Variants in FAM47E observed in about 807,000 individuals in gnomAD.
FAM47E encodes protein FAM47E.
Under a neutral mutation model 41.6 loss-of-function variants are expected in FAM47E, and 32 were observed. The observed-to-expected ratio is 0.77, with a 90% CI of 0.58 to 1.03. The LOEUF (loss-of-function observed/expected upper bound fraction) is 1.03. FAM47E is among the 50% of genes least tolerant of loss of function. The probability of loss-of-function intolerance (pLI) is 0.00; values close to 1 mark genes in which losing one functional copy is unlikely to be tolerated. For synonymous variants in FAM47E, 184 were observed against 188.7 expected (o/e 0.98, Z 0.20); for missense variants, 424 against 485.4 (o/e 0.87, Z 1.19).
At chr4:76,236,387 A>G (rs1008681748) in intron 2 of FAM47E, 1 of 152,214 alleles carries the variant, frequency 6.6e-6, no homozygotes, top group Non-Finnish European at 1.5e-5. Context: ...TGAAAAACAC[A>G]GGATAGAAAC....
At chr4:76,236,729 A>C (rs1449148300) in intron 2 of FAM47E, 2 of 152,078 alleles carry the variant, frequency 1.3e-5, no homozygotes, top group African/African-American at 4.8e-5. Context: ...GGTGGGTTTA[A>C]AAATTTTCTG....
intron 5 of FAM47E, 21 bp downstream of exon 5, chr4:76,271,789 G>C (rs1734902711): frequency 6.5e-7 from 1 of 1,541,452 alleles, no homozygotes; most frequent in African/African-American, 1.4e-5. Flanking sequence ...AAGGGGACCA[G>C]ACCGAAAATC....
At position 76,251,765 on chromosome 4, in the gene FAM47E, C is replaced by CGGCTCCGGCCGGGGACGTT. The variant is rs1251340169; in HGVS notation, c.23_41dup (p.Val16AlafsTer141). The stretch of plus-strand genomic sequence containing the variant: ...GGCCACCATGGCGGACCGCAGGCGG[C>CGGCTCCGGCCGGGGACGTT]GGCTCCGGCCGGGGACGTTGGCCCC... On this transcript the variant is annotated frameshift_variant, in exon 1 of 8. Transcript: ENST00000424749. LOFTEE classifies it high-confidence loss of function. 5.8e-4 allele frequency: 865 copies of CGGCTCCGGCCGGGGACGTT among 1,486,120 alleles called. No individual in the cohort carries two copies. Among genetic ancestry groups the CGGCTCCGGCCGGGGACGTT allele is most frequent in the Non-Finnish European group, 5.6e-4 (635 of 1,124,256 alleles). 92.1% of individuals were successfully genotyped at this position (1,486,120 alleles called of 1,614,324 possible).
Position 76,256,472 on chromosome 4 carries a change from C to A in FAM47E, c.369C>A (p.Thr123=). Residue 123 remains threonine, a synonymous_variant, in exon 2 of 8, where the codon ACC becomes ACA. Transcript: ENST00000424749. ...TGGAGGACGTGGAGGCCCACCTGAC[C>A]CCACATCCCTTAGCGCTCTACCTGA... is the stretch of plus-strand genomic sequence containing the variant. ...AFLEDVEAHL[T]PHPLALYLNL... is the part of the protein sequence containing the mutation. The A allele has an allele frequency of 3.9e-6, 6 of 1,551,728 alleles. No homozygotes were observed. Among genetic ancestry groups the A allele is most frequent in the Non-Finnish European group, 5.2e-6 (6 of 1,147,042 alleles).
chr4:76,271,861 G>T, intron 5 of FAM47E, 93 bp downstream of exon 5: 3 of 1,366,128 alleles, frequency 2.2e-6, no homozygotes, highest in South Asian at 1.7e-5. Flanking sequence ...CATGGGTACT[G>T]GTTTTTTAAA....
chr4:76,253,674 C>T (rs1442201627), intron 1 of FAM47E, among the ~76,000 whole-genome samples: 1 of 152,004 alleles, frequency 6.6e-6, no homozygotes, highest in East Asian at 1.9e-4. Flanking sequence ...CATGGTGGCA[C>T]ATGCCTGTAG....
rs746336370 is a variant in FAM47E at position 76,280,335 on chromosome 4, G to T, written c.1098G>T (p.Thr366=). The part of the protein sequence containing the change: ...KDFILSRGYR[T]PRFLENMYIG... ...TCATTCTAAGCAGGGGCTACAGGAC[G>T]CCACGTGTGAGTAAAGGGTCCTTTC... The change falls in exon 7 of 8, where the codon ACG becomes ACT. Residue 366 remains threonine, a synonymous_variant. Coordinates refer to ENST00000424749, the MANE Select transcript of FAM47E (RefSeq NM_001136570.3). The T allele has an allele frequency of 1.3e-6, 2 of 1,533,418 alleles. No homozygotes were observed. The allele number at this position is 1,533,418 out of a possible 1,614,324, so 95.0% of individuals were successfully genotyped here.
chr4:76,270,226 CACTAAA>C (rs1734829313), intron 4 of FAM47E, among the ~76,000 whole-genome samples: 1 of 152,096 alleles, frequency 6.6e-6, no homozygotes, highest in African/African-American at 2.4e-5. Context: ...CAAAAGTAGC[CACTAAA>C]ATTTCCAAGC....
At position 76,283,410 on chromosome 4, in the gene FAM47E, A is replaced by C. The variant is rs551424336; in HGVS notation, c.1134A>C (p.Glu378Asp). The part of the protein sequence containing the change: ...RFLENMYIGK[E>D]CKRACNKTPI... ...TTGAGAATATGTATATCGGGAAGGA[A>C]TGTAAACGTGCATGTAATAAGACTC... The change falls in exon 8 of 8, where the codon GAA becomes GAC. Residue 378 changes from glutamate (E) to aspartate (D), a missense_variant. By Grantham distance (45) the Glu-to-Asp change is conservative. Transcript: ENST00000424749. The C allele has an allele frequency of 5.8e-6, 9 of 1,548,468 alleles. No homozygotes were observed. In the African/African-American group the frequency reaches 9.6e-5, roughly 16 times the overall value.
intron 1 of FAM47E, among the ~76,000 whole-genome samples, chr4:76,254,682 T>C (rs139482346): frequency 3.9e-4 from 59 of 152,282 alleles, no homozygotes; most frequent in Non-Finnish European, 6.9e-4. Flanking sequence ...GGATTAGATT[T>C]GGTGTAAAAA....
chr4:76,257,111 C>T (rs1365390984), intron 2 of FAM47E, among the ~76,000 whole-genome samples: 1 of 152,120 alleles, frequency 6.6e-6, no homozygotes, highest in Non-Finnish European at 1.5e-5. Flanking sequence ...GGCTTCCATG[C>T]TTCCAGGCAT....
intron 1 of FAM47E, among the ~76,000 whole-genome samples, chr4:76,215,006 C>T (rs1733174706): frequency 6.6e-6 from 1 of 152,208 alleles, no homozygotes; most frequent in Non-Finnish European, 1.5e-5. Context: ...GTGGGGAATC[C>T]TTTAGCCAAA....
At chr4:76,225,542 T>C (rs973307996) in intron 2 of FAM47E, among the ~76,000 whole-genome samples, 5 of 152,222 alleles carry the variant, frequency 3.3e-5, no homozygotes, top group Admixed American at 2.0e-4. Context: ...ATGGCTTTTA[T>C]TACCTTAAGG....
chr4:76,234,088 C>T (rs2109987450), intron 2 of FAM47E, among the ~76,000 whole-genome samples: 1 of 152,306 alleles, frequency 6.6e-6, no homozygotes, highest in South Asian at 2.1e-4. Flanking sequence ...AGCCAGCTGC[C>T]CGCGGCACCT....
At chr4:76,214,441 G>C in intron 1 of FAM47E, 1 of 391,254 alleles carries the variant, frequency 2.6e-6, no homozygotes, top group South Asian at 1.8e-5. Context: ...AAAGGCATTG[G>C]GGGTGAAAGA....
chr4:76,263,877 G>A (rs754528939), intron 3 of FAM47E, 34 bp downstream of exon 3: 52 of 1,542,418 alleles, frequency 3.4e-5, no homozygotes, highest in Non-Finnish European at 4.5e-5. Flanking sequence ...GATCATTGCT[G>A]TCACCTGATG....
chr4:76,229,329 T>C (rs574611120), intron 2 of FAM47E, among the ~76,000 whole-genome samples: 78 of 152,350 alleles, frequency 5.1e-4, no homozygotes, highest in African/African-American at 1.8e-3. Flanking sequence ...ACCTTCTGAA[T>C]TCTTCATGTG....
intron 2 of FAM47E, among the ~76,000 whole-genome samples, chr4:76,259,946 A>C (rs755853937): frequency 3.3e-5 from 5 of 152,206 alleles, no homozygotes; most frequent in African/African-American, 4.8e-5. Flanking sequence ...CCAAATCAAG[A>C]ACTCAATATC....
intron 2 of FAM47E, chr4:76,234,424 AAGAC>A (rs1423030557): frequency 6.6e-6 from 1 of 152,250 alleles, no homozygotes; most frequent in Non-Finnish European, 1.5e-5. Context: ...TTTGAATGGT[AAGAC>A]AGAATTGTAC....
Sources: gnomAD v4.1 joint callset for allele counts (sites outside exome capture counted in the v4.1 genomes callset) on GRCh38, gnomAD v4.1.1 for gene constraint, MANE v1.5 for transcripts, NCBI Gene and HGNC (gene_info 2026-07-23, HGNC 2026-07-21) for gene names.